Variants in KRTCAP2 observed in about 807,000 individuals in gnomAD.
KRTCAP2 encodes the protein dolichyl-diphosphooligosaccharide--protein glycosyltransferase subunit KCP2.
Under a neutral mutation model 16.5 loss-of-function variants are expected in KRTCAP2, and 10 were observed. The ratio of observed to expected loss-of-function variants is 0.60; its 90% CI spans 0.37 to 1.02. KRTCAP2 has a LOEUF of 1.02. KRTCAP2 is among the 50% of genes least tolerant of loss of function. KRTCAP2 has a pLI of 0.01. For missense variants in KRTCAP2, 152 were observed against 159.6 expected (o/e 0.95, Z 0.26); for synonymous variants, 68 against 69.8 (o/e 0.97, Z 0.13).
At chr1:155,172,402 T>C in intron 3 of KRTCAP2, 163 bp downstream of exon 3, 2 of 1,471,882 alleles carry the variant, frequency 1.4e-6, no homozygotes, top group South Asian at 2.8e-5. Context: ...CTCCAGGAGC[T>C]ATACAAGGTG....
In KRTCAP2 at chr1:155,169,829, A is replaced by G. The variant is rs748593100; in HGVS notation, c.252T>C (p.Phe84=). Reference sequence around the variant, plus strand: ...AGACTCGGTGGATGAGGCCAGATGCAAAGAGAGCCAACAGGAGGCACAGGA... The same window carrying G: ...AGACTCGGTGGATGAGGCCAGATGCGAAGAGAGCCAACAGGAGGCACAGGA... The part of the protein sequence containing the change: ...EILLCLLLAL[F]ASGLIHRVCV... Residue 84 remains phenylalanine (F), a synonymous_variant, in exon 4 of 5, where the codon TTT becomes TTC. Coordinates refer to ENST00000295682, the MANE Select transcript of KRTCAP2 (RefSeq NM_173852.4). 7 of 1,595,620 alleles carry G rather than the reference A, an allele frequency of 4.4e-6. No individual in the cohort carries two copies. In the South Asian group the frequency reaches 8.0e-5, roughly 18 times the overall value.
chr1:155,171,088 G>T (rs1468028455), intron 3 of KRTCAP2: 1 of 152,288 alleles, frequency 6.6e-6, no homozygotes, highest in African/African-American at 2.4e-5. Flanking sequence ...AGGATTACAG[G>T]CGTGTGCCAT....
At chr1:155,171,809 C>CT in intron 3 of KRTCAP2, 1 of 840,808 alleles carries the variant, frequency 1.2e-6, no homozygotes, top group Non-Finnish European at 1.4e-6. Context: ...GATCACATCC[C>CT]TGCACTCCAG....
chr1:155,171,847 CAAAAAAAA>C, intron 3 of KRTCAP2: 16 of 653,178 alleles, frequency 2.4e-5, no homozygotes, highest in African/African-American at 3.8e-5. Context: ...AGCCTTGTCT[CAAAAAAAA>C]AAAAAAAAAA....
rs775497011 is a variant in KRTCAP2, at chr1:155,172,790, A to T, written c.107T>A (p.Leu36His). 4 of 1,614,208 alleles carry T rather than the reference A, an allele frequency of 2.5e-6. No homozygotes were observed. The Admixed American group carries it at 6.7e-5, about 27-fold the overall frequency. The change falls in exon 2 of 5, where the codon CTC (leucine) becomes CAC (histidine). Residue 36 changes from leucine (L) to histidine (H), a missense_variant. Leu to His is a moderately conservative substitution (Grantham distance 99). Coordinates refer to ENST00000295682, the MANE Select transcript of KRTCAP2 (RefSeq NM_173852.4). ...YSRQLASTEW[L>H]TIQGGLLGSG... ...ACCAAGCAGGCCGCCCTGGATGGTG[A>T]GCCACTCGGTGGAGGCCAGCTGACG...
chr1:155,172,767 C>G lies in KRTCAP2; in HGVS notation c.130G>C (p.Gly44Arg), dbSNP rs1665304196. 1 of 1,614,096 alleles carries G rather than the reference C, an allele frequency of 6.2e-7. No individual in the cohort carries two copies. Among genetic ancestry groups the G allele is most frequent in the South Asian group, 1.1e-5 (1 of 91,090 alleles). Residue 44 changes from glycine to arginine, a missense_variant, in exon 2 of 5, where the codon GGT (glycine) becomes CGT (arginine). Transcript: ENST00000295682. ...EWLTIQGGLL[G>R]SGLFVFSLTA... ...AGCGAGAACACGAAGAGACCCGAAC[C>G]AAGCAGGCCGCCCTGGATGGTGAGC... is the stretch of plus-strand genomic sequence containing the variant.
intron 3 of KRTCAP2, chr1:155,170,130 G>A: frequency 3.5e-6 from 1 of 288,658 alleles, no homozygotes; most frequent in Non-Finnish European, 6.6e-6. Context: ...AGACCAGCCT[G>A]AACAACAAAG....
chr1:155,169,989 A>C, intron 3 of KRTCAP2, 132 bp from the exon 4 acceptor site: 2 of 627,766 alleles, frequency 3.2e-6, no homozygotes, highest in South Asian at 3.6e-5. Context: ...GCGTGACTAC[A>C]GCAGGAGGAT....
At chr1:155,171,564 A>G in intron 3 of KRTCAP2, 1 of 985,386 alleles carries the variant, frequency 1.0e-6, no homozygotes, top group Non-Finnish European at 1.2e-6. Context: ...AGGGGGGCAA[A>G]GAAATGAGGG....
In KRTCAP2 at chr1:155,172,615, A is replaced by C; in HGVS notation, c.173T>G (p.Leu58Arg). The C allele has an allele frequency of 1.2e-6, 2 of 1,614,226 alleles. No homozygotes were observed. The highest frequency in any genetic ancestry group is 1.7e-6 in the Non-Finnish European group (2 of 1,180,046). The part of the protein sequence containing the change: ...FVFSLTAFNN[L>R]ENLVFGKGFQ... ...TCCTTTGCCAAAGACAAGATTCTCC[A>C]GATTATTGAAGGCCTGGTTGAGGGA... The change falls in exon 3 of 5, where the codon CTG (leucine) becomes CGG (arginine). Residue 58 changes from leucine (L) to arginine (R), a missense_variant. By Grantham distance (102) the Leu-to-Arg change is moderately radical. Transcript: ENST00000295682.
chr1:155,171,529 G>A (rs896675046), intron 3 of KRTCAP2: 7 of 985,056 alleles, frequency 7.1e-6, no homozygotes, highest in Admixed American at 6.2e-5. Context: ...CTGCAAAAGG[G>A]CTATGCGGAG....
intron 3 of KRTCAP2, chr1:155,170,936 G>A (rs989874309): frequency 6.6e-6 from 1 of 152,096 alleles, no homozygotes; most frequent in Non-Finnish European, 1.5e-5. Context: ...AGCTTCCCGA[G>A]TACCTGGGAC....
At chr1:155,173,066 GC>G in intron 1 of KRTCAP2, 154 bp downstream of exon 1, 1 of 935,022 alleles carries the variant, frequency 1.1e-6, no homozygotes, top group Non-Finnish European at 1.6e-6. Context: ...GTATTCCCCA[GC>G]CCCGGACACC....
chr1:155,172,149 G>C, intron 3 of KRTCAP2: 1 of 1,032,988 alleles, frequency 9.7e-7, no homozygotes, highest in Non-Finnish European at 1.2e-6. Context: ...GGTGCCTCTA[G>C]TATTTAGGCT....
intron 4 of KRTCAP2, 63 bp from the exon 5 acceptor site, chr1:155,169,623 G>T: frequency 6.4e-7 from 1 of 1,562,860 alleles, no homozygotes; most frequent in Non-Finnish European, 8.8e-7. Context: ...GTGCCTCCTA[G>T]GGAAGACACT....
intron 3 of KRTCAP2, chr1:155,171,473 A>G: frequency 1.0e-6 from 1 of 985,250 alleles, no homozygotes; most frequent in Non-Finnish European, 1.2e-6. Context: ...AACAAAACCT[A>G]ACAGAGAGAA....
chr1:155,172,296 A>G (rs1427060356), intron 3 of KRTCAP2: 8 of 1,315,930 alleles, frequency 6.1e-6, no homozygotes, highest in Non-Finnish European at 7.8e-6. Context: ...GCAAAACATC[A>G]GCCCAAATTT....
chr1:155,171,714 T>C (rs1665251305), intron 3 of KRTCAP2: 1 of 534,020 alleles, frequency 1.9e-6, no homozygotes, highest in Admixed American at 6.4e-5. Context: ...AAACAGTAGC[T>C]GGGTGTGGTG....
chr1:155,172,956 A>G (rs1299258512), intron 1 of KRTCAP2, 64 bp from the exon 2 acceptor site: 6 of 1,564,764 alleles, frequency 3.8e-6, no homozygotes, highest in Non-Finnish European at 5.2e-6. Context: ...AGCTACGGGC[A>G]GATCAGCCGG....
Sources: gnomAD v4.1 joint callset for allele counts on GRCh38, gnomAD v4.1.1 for gene constraint, MANE v1.5 for transcripts, NCBI Gene and HGNC (gene_info 2026-07-23, HGNC 2026-07-21) for gene names.